Variants in ESRRB observed in about 807,000 individuals in gnomAD.
ESRRB encodes the protein estrogen related receptor beta, also known as steroid hormone receptor ERR2.
In ESRRB, 16 loss-of-function variants were observed where a neutral mutation model predicts 46.0. The observed-to-expected ratio is 0.35, with a 90% CI of 0.24 to 0.53. The LOEUF (loss-of-function observed/expected upper bound fraction) is 0.53. Among genes scored for constraint, ESRRB ranks in the 20% least tolerant of loss-of-function variants. The pLI is 0.93. For missense variants in ESRRB, 488 were observed against 607.4 expected (o/e 0.80, Z 2.07); for synonymous variants, 246 against 259.6 (o/e 0.95, Z 0.50).
chr14:76,376,179 T>G lies in ESRRB; in HGVS notation c.-223T>G. On this transcript the variant is annotated 5_prime_UTR_variant, in exon 1 of 7. Coordinates refer to ENST00000644823, the MANE Select transcript of ESRRB (RefSeq NM_001379180.1). This position sits in a 1 kb window ranked among gnomAD's most constrained non-coding sequence, Gnocchi z 4.1. Reference sequence around the variant, plus strand: ...GCCTCCTCCACGGCTTCGCATCCCCTCTGCCCGCTCTCTCCGGAGCGTGCG... The same window carrying G: ...GCCTCCTCCACGGCTTCGCATCCCCGCTGCCCGCTCTCTCCGGAGCGTGCG... 2 of 391,778 alleles carry G rather than the reference T, an allele frequency of 5.1e-6. No individual in the cohort carries two copies. Among genetic ancestry groups the G allele is most frequent in the Non-Finnish European group, 9.0e-6 (2 of 222,506 alleles). The allele number at this position is 391,778 out of a possible 1,614,324, so 24.3% of individuals were successfully genotyped here.
rs1457186604 is a variant in ESRRB, at chr14:76,498,956, G to A, written c.*498G>A. ...TATCTTTCTTCCAGAGGTCCTACCTGCTCTGAGATCCTCTGGGGCCGGTCA... is the reference window on the plus strand; with the variant it reads ...TATCTTTCTTCCAGAGGTCCTACCTACTCTGAGATCCTCTGGGGCCGGTCA... On this transcript the variant is annotated 3_prime_UTR_variant, in exon 7 of 7. Coordinates refer to ENST00000644823, the MANE Select transcript of ESRRB (RefSeq NM_001379180.1). The A allele has an allele frequency of 4.4e-6, 2 of 455,326 alleles. No individual in the cohort carries two copies. Among genetic ancestry groups the A allele is most frequent in the Non-Finnish European group, 9.2e-6 (2 of 218,044 alleles). 28.2% of individuals were successfully genotyped at this position (455,326 alleles called of 1,614,324 possible). A position where few individuals can be genotyped will look rare whatever the true frequency, so the allele number is the denominator to read the frequency against.
intron 1 of ESRRB, among the ~76,000 whole-genome samples, chr14:76,353,289 C>T (rs2139763210): frequency 6.6e-6 from 1 of 152,282 alleles, no homozygotes; most frequent in South Asian, 2.1e-4. Context: ...TTTTTACAGT[C>T]CCCAACCCCA....
intron 1 of ESRRB, among the ~76,000 whole-genome samples, chr14:76,360,902 G>A (rs961063173): frequency 1.3e-5 from 2 of 152,036 alleles, no homozygotes; most frequent in African/African-American, 4.8e-5. Context: ...ATTTCCCCCC[G>A]GCCAGACAGA....
chr14:76,480,614 T>C (rs1342394807), intron 3 of ESRRB, among the ~76,000 whole-genome samples: 3 of 152,214 alleles, frequency 2.0e-5, no homozygotes, highest in African/African-American at 7.2e-5. Context: ...GTAACCATTG[T>C]TCTGACTTCC....
intron 1 of ESRRB, among the ~76,000 whole-genome samples, chr14:76,409,868 G>T (rs966825153): frequency 2.6e-5 from 4 of 152,174 alleles, no homozygotes; most frequent in African/African-American, 9.7e-5. Context: ...AACCGTACAT[G>T]CGATTGCCAA....
intron 2 of ESRRB, among the ~76,000 whole-genome samples, chr14:76,456,918 C>A (rs899490592): frequency 6.6e-6 from 1 of 152,180 alleles, no homozygotes; most frequent in Admixed American, 6.5e-5. Context: ...AACTGAGTGA[C>A]CATCACCCCA....
intron 1 of ESRRB, among the ~76,000 whole-genome samples, chr14:76,337,763 C>G (rs1377855787): frequency 6.6e-6 from 1 of 152,162 alleles, no homozygotes; most frequent in Non-Finnish European, 1.5e-5. Flanking sequence ...CTGAGGGGGA[C>G]TGTGCTGAGA....
intron 1 of ESRRB, among the ~76,000 whole-genome samples, chr14:76,399,951 C>G (rs1885867666): frequency 6.6e-6 from 1 of 152,244 alleles, no homozygotes; most frequent in Admixed American, 6.5e-5. Context: ...CGTCTCAGGT[C>G]AGGCTCAGTC....
intron 3 of ESRRB, among the ~76,000 whole-genome samples, chr14:76,467,223 G>T (rs1889154469): frequency 6.6e-6 from 1 of 152,010 alleles, no homozygotes; most frequent in Middle Eastern, 3.2e-3. Flanking sequence ...GATTCAGGCT[G>T]GGTGCGGTGG....
At chr14:76,399,274 G>C (rs1885834746) in intron 1 of ESRRB, among the ~76,000 whole-genome samples, 1 of 152,178 alleles carries the variant, frequency 6.6e-6, no homozygotes, top group East Asian at 1.9e-4. Context: ...CTGTGACGGA[G>C]TCCAAGGGGT....
intron 1 of ESRRB, among the ~76,000 whole-genome samples, chr14:76,351,272 T>C (rs1261596047): frequency 6.6e-6 from 1 of 152,222 alleles, no homozygotes; most frequent in Admixed American, 6.5e-5. Context: ...ATAAATGTAT[T>C]GTCTCACTGT....
chr14:76,400,865 G>C (rs956528870), intron 1 of ESRRB, among the ~76,000 whole-genome samples: 1 of 152,212 alleles, frequency 6.6e-6, no homozygotes, highest in Non-Finnish European at 1.5e-5. Flanking sequence ...CTTCTGCTCT[G>C]TGCAGAGGGC....
upstream of ESRRB, among the ~76,000 whole-genome samples, chr14:76,371,085 C>T (rs1018424957): frequency 1.3e-5 from 2 of 152,166 alleles, no homozygotes; most frequent in Admixed American, 6.5e-5. Context: ...TCCTTGGTGT[C>T]GTGGCAGCAG....
intron 2 of ESRRB, among the ~76,000 whole-genome samples, chr14:76,440,650 T>C (rs938420314): frequency 6.6e-6 from 1 of 151,830 alleles, no homozygotes; most frequent in African/African-American, 2.4e-5. Context: ...TTAAGACCTG[T>C]ATTTTCTTTC....
rs546342629 is a variant in ESRRB at position 76,389,857 on chromosome 14, A to G, written c.50+13406A>G. ...ACTCCTCACTTCCTCATATCTTAGT[A>G]CATTTCACTTTACGTTCTTGCCATC... On this transcript the variant is annotated intron_variant, in intron 1 of 6. Coordinates refer to ENST00000644823, the MANE Select transcript of ESRRB (RefSeq NM_001379180.1). Among the ~76,000 whole-genome samples the G allele has an allele frequency of 2.0e-5, 3 of 152,346 alleles. No homozygotes were observed. The South Asian group carries it at 6.2e-4, about 32-fold the overall frequency.
At chr14:76,353,366 C>A (rs907949067) in intron 1 of ESRRB, among the ~76,000 whole-genome samples, 4 of 152,144 alleles carry the variant, frequency 2.6e-5, no homozygotes, top group African/African-American at 9.7e-5. Flanking sequence ...TCTGCAAATC[C>A]GCCTGACTTA....
rs1015378985 is a variant in ESRRB at position 76,482,230 on chromosome 14, A to G, written c.688+104A>G. 31 of 884,106 alleles carry G rather than the reference A, an allele frequency of 3.5e-5. No homozygotes were observed. The highest frequency in any genetic ancestry group is 5.2e-5 in the Non-Finnish European group (28 of 540,056). 54.8% of individuals were successfully genotyped at this position (884,106 alleles called of 1,614,324 possible). A position where few individuals can be genotyped will look rare whatever the true frequency, so the allele number is the denominator to read the frequency against. On this transcript the variant is annotated intron_variant, in intron 4 of 6. Coordinates refer to ENST00000644823, the MANE Select transcript of ESRRB (RefSeq NM_001379180.1). This position sits in a 1 kb window ranked among gnomAD's most constrained non-coding sequence, Gnocchi z 4.3. ...CTTCCCACCACTGGGTCATGAGACAATGTGGATCTTGGGGAGGTGACATCA... is the reference window on the plus strand; with the variant it reads ...CTTCCCACCACTGGGTCATGAGACAGTGTGGATCTTGGGGAGGTGACATCA...
At chr14:76,470,992 A>G (rs1889356481) in intron 3 of ESRRB, among the ~76,000 whole-genome samples, 1 of 152,182 alleles carries the variant, frequency 6.6e-6, no homozygotes. Flanking sequence ...ATATCTAACC[A>G]CACTATTGGC....
At chr14:76,486,541 T>C (rs1443651669) in intron 5 of ESRRB, among the ~76,000 whole-genome samples, 2 of 150,898 alleles carry the variant, frequency 1.3e-5, no homozygotes, top group Admixed American at 1.3e-4. Flanking sequence ...TGAACTCCAC[T>C]TGCCACAAAT....
Sources: gnomAD v4.1 joint callset for allele counts (sites outside exome capture counted in the v4.1 genomes callset) on GRCh38, gnomAD v4.1.1 for gene constraint, Gnocchi (gnomAD v3.1) non-coding constraint, MANE v1.5 for transcripts, NCBI Gene and HGNC (gene_info 2026-07-23, HGNC 2026-07-21) for gene names.